The following LIMA1 variants were observed in gnomAD, a reference collection of about 807,000 sequenced individuals.
The protein encoded by LIMA1 is LIM domain and actin-binding protein 1.
In LIMA1, 52 loss-of-function variants were observed where a neutral mutation model predicts 62.6. That is an observed-to-expected ratio of 0.83 (90% confidence interval 0.67 to 1.05). The LOEUF (loss-of-function observed/expected upper bound fraction) is 1.05, where lower values mean the gene tolerates loss of function less well. LIMA1 is among the 50% of genes least tolerant of loss of function. The probability of loss-of-function intolerance (pLI) is 0.00; values close to 1 mark genes in which losing one functional copy is unlikely to be tolerated. For synonymous variants in LIMA1, 302 were observed against 317.8 expected (o/e 0.95, Z 0.53); for missense variants, 780 against 902.2 (o/e 0.86, Z 1.74).
At chr12:50,203,375 G>A (rs999004419) in intron 6 of LIMA1, among the ~76,000 whole-genome samples, 8 of 151,642 alleles carry the variant, frequency 5.3e-5, no homozygotes, top group Non-Finnish European at 1.0e-4. Flanking sequence ...ACAGGACAAC[G>A]TAAAGGGGAA....
At chr12:50,194,813 C>T (rs540441104) in intron 8 of LIMA1, among the ~76,000 whole-genome samples, 13 of 151,768 alleles carry the variant, frequency 8.6e-5, no homozygotes, top group African/African-American at 2.2e-4. Flanking sequence ...TTTGTGAGGC[C>T]GAGGCGGGTG....
chr12:50,272,228 G>A (rs1231361360), intron 1 of LIMA1, among the ~76,000 whole-genome samples: 1 of 151,950 alleles, frequency 6.6e-6, no homozygotes, highest in Non-Finnish European at 1.5e-5. Context: ...CTTCAAGCAG[G>A]AGAATTAAAA....
chr12:50,207,110 A>G (rs1219234199), intron 4 of LIMA1, among the ~76,000 whole-genome samples: 1 of 152,098 alleles, frequency 6.6e-6, no homozygotes, highest in Non-Finnish European at 1.5e-5. Flanking sequence ...TTTTTAGTAG[A>G]GACAGGGTTT....
At chr12:50,243,640 C>T (rs1372157622) in intron 2 of LIMA1, among the ~76,000 whole-genome samples, 1 of 152,172 alleles carries the variant, frequency 6.6e-6, no homozygotes, top group Admixed American at 6.6e-5. Context: ...GTATATACCA[C>T]CACCTGTCCT....
At chr12:50,230,287 C>T (rs1246769197) in intron 3 of LIMA1, among the ~76,000 whole-genome samples, 1 of 152,194 alleles carries the variant, frequency 6.6e-6, no homozygotes, top group African/African-American at 2.4e-5. Flanking sequence ...CTGCCTGCCT[C>T]GGCCTCCCAA....
rs752208396 is a variant in LIMA1, at chr12:50,248,700, C to G, written c.52G>C (p.Val18Leu). ...RRQWTSLSLR[V>L]TAKELSLVNK... ...ACAAGAGAAAGTTCTTTGGCTGTTA[C>G]CCTCAATGATAGTGAGGTCCATTGC... Residue 18 changes from valine to leucine, a missense_variant, in exon 2 of 11, where the codon GTA becomes CTA. Coordinates refer to ENST00000341247, the MANE Select transcript of LIMA1 (RefSeq NM_016357.5). 8.1e-6 allele frequency: 13 copies of G among 1,613,776 alleles called. No individual in the cohort carries two copies. The highest frequency in any genetic ancestry group is 1.0e-5 in the Non-Finnish European group (12 of 1,179,664).
In LIMA1 at chr12:50,204,823, T is replaced by C. The variant is rs1486856426; in HGVS notation, c.716-123A>G. ...CAGCCTCGAACTCCTGAGCTCAAGATATCCTCCCGCCTCAGCCTCCCAAAG... is the reference window on the plus strand; with the variant it reads ...CAGCCTCGAACTCCTGAGCTCAAGACATCCTCCCGCCTCAGCCTCCCAAAG... On this transcript the variant is annotated intron_variant, in intron 5 of 10. Coordinates refer to ENST00000341247, the MANE Select transcript of LIMA1 (RefSeq NM_016357.5). 54 of 866,100 alleles carry C rather than the reference T, an allele frequency of 6.2e-5. 2 individuals are homozygous for C. The highest frequency in any genetic ancestry group is 8.9e-6 in the Non-Finnish European group (5 of 561,452). The allele number at this position is 866,100 out of a possible 1,614,324, so 53.7% of individuals were successfully genotyped here.
At chr12:50,220,107 C>G (rs1251406805) in intron 4 of LIMA1, among the ~76,000 whole-genome samples, 3 of 152,030 alleles carry the variant, frequency 2.0e-5, no homozygotes, top group Non-Finnish European at 2.9e-5. Context: ...GTTGCCCAGG[C>G]TGGAGTGCAG....
intron 4 of LIMA1, among the ~76,000 whole-genome samples, chr12:50,208,750 G>A (rs2138502909): frequency 6.6e-6 from 1 of 151,996 alleles, no homozygotes; most frequent in South Asian, 2.1e-4. Flanking sequence ...GTTCATGCCT[G>A]TAATCCCAAC....
rs985364148 is a variant in LIMA1 at position 50,176,234 on chromosome 12, C to T, written c.*830G>A. On this transcript the variant is annotated 3_prime_UTR_variant, in exon 11 of 11. Transcript: ENST00000341247. ...CTTTAAACTCTTCACTTTGCTCTAA[C>T]ACGGAAGATGGGGGACAGTGATCCC... 2 of 152,174 alleles carry T rather than the reference C, an allele frequency of 1.3e-5. No individual in the cohort carries two copies. The highest frequency in any genetic ancestry group is 2.9e-5 in the Non-Finnish European group (2 of 68,038). 9.4% of individuals were successfully genotyped at this position (152,174 alleles called of 1,614,324 possible).
chr12:50,219,498 T>C (rs771541768), intron 4 of LIMA1: 1 of 151,764 alleles, frequency 6.6e-6, no homozygotes, highest in Non-Finnish European at 1.5e-5. Flanking sequence ...AATAAATAAA[T>C]AAATAAATAA....
chr12:50,187,125 C>T (rs553505346), intron 9 of LIMA1: 1 of 152,128 alleles, frequency 6.6e-6, no homozygotes, highest in South Asian at 2.1e-4. Context: ...ATATTACAGA[C>T]CCTCTGTTGA....
intron 1 of LIMA1, 150 bp from the exon 2 acceptor site, chr12:50,248,924 A>T (rs913846569): frequency 3.6e-6 from 2 of 562,164 alleles, no homozygotes; most frequent in East Asian, 5.8e-5. Flanking sequence ...AAATGATCCA[A>T]TATCTTTGGG....
chr12:50,278,137 C>T (rs906685087), intron 1 of LIMA1, among the ~76,000 whole-genome samples: 4 of 151,626 alleles, frequency 2.6e-5, no homozygotes, highest in Admixed American at 1.3e-4. Flanking sequence ...ATTAGCCAGA[C>T]GGGCTGGGCG....
intron 1 of LIMA1, among the ~76,000 whole-genome samples, chr12:50,268,289 G>A (rs193054352): frequency 1.3e-5 from 2 of 152,282 alleles, no homozygotes; most frequent in East Asian, 1.9e-4. Flanking sequence ...GGCATTGAGA[G>A]AGGATCACTG....
At chr12:50,239,841 AT>A (rs1941747676) in intron 2 of LIMA1, among the ~76,000 whole-genome samples, 1 of 151,754 alleles carries the variant, frequency 6.6e-6, no homozygotes, top group East Asian at 1.9e-4. Context: ...TAAAAAAAAA[AT>A]AACTAGCAGG....
intron 5 of LIMA1, among the ~76,000 whole-genome samples, 190 bp downstream of exon 5, chr12:50,205,794 C>CAAA (rs5798132): frequency 2.0e-4 from 16 of 80,098 alleles, no homozygotes; most frequent in African/African-American, 5.2e-4. Flanking sequence ...ACTTCCGTCT[C>CAAA]AAAAAAAAAA....
At chr12:50,260,502 C>T (rs191025727) in intron 1 of LIMA1, among the ~76,000 whole-genome samples, 10 of 152,330 alleles carry the variant, frequency 6.6e-5, no homozygotes, top group Non-Finnish European at 1.0e-4. Context: ...CAATATGCAA[C>T]GTAACATAAC....
chr12:50,273,920 G>A (rs1942244785), intron 1 of LIMA1, among the ~76,000 whole-genome samples: 1 of 152,166 alleles, frequency 6.6e-6, no homozygotes, highest in Non-Finnish European at 1.5e-5. Context: ...GGAGTTGATA[G>A]ACTAGTATAA....
Sources: gnomAD v4.1 joint callset for allele counts (sites outside exome capture counted in the v4.1 genomes callset) on GRCh38, gnomAD v4.1.1 for gene constraint, MANE v1.5 for transcripts, NCBI Gene and HGNC (gene_info 2026-07-23, HGNC 2026-07-21) for gene names.